TMEM175: variants seen among roughly 807,000 people sequenced by gnomAD.
TMEM175 encodes endosomal/lysosomal proton channel TMEM175.
TMEM175 carries 36 observed loss-of-function variants against 36.5 expected under a neutral mutation model. That is an observed-to-expected ratio of 0.99 (90% CI 0.76 to 1.30). TMEM175 has a LOEUF of 1.30. Ranked by LOEUF, TMEM175 falls within the 50% of genes most tolerant of loss-of-function variation. The probability of loss-of-function intolerance (pLI) is 0.00; values close to 1 mark genes in which losing one functional copy is unlikely to be tolerated. For synonymous variants in TMEM175, 339 were observed against 313.4 expected (o/e 1.08, Z -0.86); for missense variants, 705 against 692.8 (o/e 1.02, Z -0.20).
intron 8 of TMEM175, among the ~76,000 whole-genome samples, chr4:953,795 C>G (rs551922669): frequency 1.3e-5 from 2 of 152,366 alleles, no homozygotes; most frequent in African/African-American, 4.8e-5. Context: ...AAGTGATTCT[C>G]TCACCTCAGC....
chr4:955,886 A>G lies in TMEM175; in HGVS notation c.838A>G (p.Ile280Val). The change falls in exon 10 of 11, where the codon ATC becomes GTC. Residue 280 changes from isoleucine (I) to valine (V), a missense_variant. Ile to Val is a conservative substitution (Grantham distance 29). Coordinates refer to ENST00000264771, the MANE Select transcript of TMEM175 (RefSeq NM_032326.4). The part of the protein sequence containing the change: ...AIVATLLILD[I>V]CEDNVPDPKD... ...CGTGGCCACGCTTCTCATCCTGGACATCTGGTGAGGACCCCGCGTCACCTG... is the reference window on the plus strand; with the variant it reads ...CGTGGCCACGCTTCTCATCCTGGACGTCTGGTGAGGACCCCGCGTCACCTG... 6.2e-7 allele frequency: 1 copy of G among 1,613,390 alleles called. No individual in the cohort carries two copies. Among genetic ancestry groups the G allele is most frequent in the Non-Finnish European group, 8.5e-7 (1 of 1,179,484 alleles).
At chr4:942,918 G>C (rs564937735) in intron 1 of TMEM175, among the ~76,000 whole-genome samples, 2 of 152,164 alleles carry the variant, frequency 1.3e-5, no homozygotes, top group Non-Finnish European at 2.9e-5. Context: ...GGGATTACAG[G>C]TGTGAGCCAC....
intron 1 of TMEM175, among the ~76,000 whole-genome samples, chr4:934,563 A>C (rs1412000268): frequency 6.6e-6 from 1 of 152,156 alleles, no homozygotes; most frequent in Non-Finnish European, 1.5e-5. Context: ...TGAGGTAGAG[A>C]TGGCAAGTGG....
At chr4:941,927 A>G (rs947900050) in intron 1 of TMEM175, among the ~76,000 whole-genome samples, 1 of 152,010 alleles carries the variant, frequency 6.6e-6, no homozygotes, top group African/African-American at 2.4e-5. Context: ...GTCAAACCCA[A>G]TGTCATGAAA....
intron 1 of TMEM175, among the ~76,000 whole-genome samples, chr4:943,695 A>G (rs564052591): frequency 1.3e-5 from 2 of 152,230 alleles, no homozygotes; most frequent in Non-Finnish European, 2.9e-5. Flanking sequence ...ATGTCCTTAC[A>G]ATACGACCCA....
At chr4:941,897 AG>A (rs1727560276) in intron 1 of TMEM175, among the ~76,000 whole-genome samples, 1 of 152,078 alleles carries the variant, frequency 6.6e-6, no homozygotes. Flanking sequence ...TTATAAAAAA[AG>A]AAAAAAAAAG....
chr4:958,151 G>A lies in TMEM175; in HGVS notation c.1170G>A (p.Gln390=). 1 of 1,603,458 alleles carries A rather than the reference G, an allele frequency of 6.2e-7. No individual in the cohort carries two copies. Residue 390 remains glutamine, a synonymous_variant, in exon 11 of 11, where the codon CAG becomes CAA. Coordinates refer to ENST00000264771, the MANE Select transcript of TMEM175 (RefSeq NM_032326.4). ...TCATCTTCCTGGCCAGCATCTTCCA[G>A]CTGGCCATGTGGACCACGGCGCTGC... ...CTIIFLASIF[Q]LAMWTTALLH... is the part of the protein sequence containing the mutation.
At chr4:953,449 G>A in intron 8 of TMEM175, 95 bp downstream of exon 8, 1 of 1,430,414 alleles carries the variant, frequency 7.0e-7, no homozygotes, top group Non-Finnish European at 9.4e-7. Flanking sequence ...GGTGGGGGCA[G>A]AGCGCAGACA....
chr4:942,255 C>T (rs1451549271), intron 1 of TMEM175, among the ~76,000 whole-genome samples: 4 of 151,890 alleles, frequency 2.6e-5, no homozygotes, highest in Non-Finnish European at 5.9e-5. Context: ...TTAGTAGAGA[C>T]GAGGTTTCAC....
chr4:954,886 G>T (rs1240443811), intron 8 of TMEM175, among the ~76,000 whole-genome samples: 1 of 152,156 alleles, frequency 6.6e-6, no homozygotes, highest in Non-Finnish European at 1.5e-5. Flanking sequence ...TCGACCATTT[G>T]CATGTTTTGT....
intron 1 of TMEM175, among the ~76,000 whole-genome samples, chr4:934,908 T>C (rs1726624647): frequency 6.6e-6 from 1 of 152,224 alleles, no homozygotes; most frequent in African/African-American, 2.4e-5. Flanking sequence ...GGTGACCTTA[T>C]GTATTTATTG....
intron 3 of TMEM175, chr4:948,385 T>G (rs1304104256): frequency 6.5e-7 from 1 of 1,530,158 alleles, no homozygotes; most frequent in Non-Finnish European, 8.7e-7. Flanking sequence ...GAGACTGGGC[T>G]CCTAGGGCTC....
rs532460328 is a variant in TMEM175, at chr4:937,404, A to G, written c.-32+4864A>G. Reference sequence around the variant, plus strand: ...CATGGTGAAACCTCATTTCTACTCAAAATACAAAAATTACCCAGCATGGTG... The same window carrying G: ...CATGGTGAAACCTCATTTCTACTCAGAATACAAAAATTACCCAGCATGGTG... On this transcript the variant is annotated intron_variant, in intron 1 of 10. Transcript: ENST00000264771. Among the ~76,000 whole-genome samples the G allele has an allele frequency of 1.1e-4, 16 of 152,048 alleles. No homozygotes were observed. In the East Asian group the frequency reaches 3.1e-3, roughly 30 times the overall value.
intron 10 of TMEM175, chr4:956,745 T>C: frequency 3.1e-6 from 1 of 321,234 alleles, no homozygotes; most frequent in South Asian, 2.5e-5. Context: ...TGCCCGGCCA[T>C]CGTAATGTTT....
chr4:941,212 C>T (rs1280814099), intron 1 of TMEM175, among the ~76,000 whole-genome samples: 1 of 150,168 alleles, frequency 6.7e-6, no homozygotes, highest in Non-Finnish European at 1.5e-5. Flanking sequence ...CCTATCTCTA[C>T]TAAAAATACA....
Position 957,908 on chromosome 4 carries a change from C to T in TMEM175, c.927C>T (p.Arg309=). The change falls in exon 11 of 11, where the codon CGC becomes CGT. Residue 309 remains arginine, a synonymous_variant. Coordinates refer to ENST00000264771, the MANE Select transcript of TMEM175 (RefSeq NM_032326.4). ...LVAALSATGP[R]FLAYFGSFAT... ...CCGCCCTGAGTGCGACCGGGCCGCGCTTCCTGGCGTACTTCGGCTCCTTCG... is the reference window on the plus strand; with the variant it reads ...CCGCCCTGAGTGCGACCGGGCCGCGTTTCCTGGCGTACTTCGGCTCCTTCG... 2 of 1,612,890 alleles carry T rather than the reference C, an allele frequency of 1.2e-6. No homozygotes were observed. The highest frequency in any genetic ancestry group is 2.2e-5 in the South Asian group (2 of 91,078).
chr4:943,443 G>T (rs1334279041), intron 1 of TMEM175, among the ~76,000 whole-genome samples: 1 of 152,084 alleles, frequency 6.6e-6, no homozygotes, highest in Admixed American at 6.5e-5. Flanking sequence ...GTAGAGATGG[G>T]GTTTCACCAT....
chr4:955,321 TGCTTTGGCACACA>T, intron 8 of TMEM175, 71 bp from the exon 9 acceptor site: 1 of 1,093,880 alleles, frequency 9.1e-7, no homozygotes, highest in Non-Finnish European at 1.4e-6. Context: ...CCGCAGCCCC[TGCTTTGGCACACA>T]GCTTTGTGTG....
At chr4:941,681 C>G (rs184175546) in intron 1 of TMEM175, among the ~76,000 whole-genome samples, 1 of 152,090 alleles carries the variant, frequency 6.6e-6, no homozygotes, top group African/African-American at 2.4e-5. Flanking sequence ...GGTGATCCGC[C>G]CACCTTGGCC....
Sources: allele counts gnomAD v4.1 joint callset (sites outside exome capture counted in the v4.1 genomes callset), GRCh38; gene constraint gnomAD v4.1.1; transcripts MANE v1.5; gene names NCBI Gene and HGNC (gene_info 2026-07-23, HGNC 2026-07-21).